The following WWOX variants were observed in gnomAD, a reference collection of about 807,000 sequenced individuals.
The protein encoded by WWOX is WW domain containing oxidoreductase, also known as WW domain-containing oxidoreductase.
Under a neutral mutation model 46.2 loss-of-function variants are expected in WWOX, and 69 were observed. That is an observed-to-expected ratio of 1.49 (90% CI 1.23 to 1.82). The LOEUF is 1.82. Among genes scored for constraint, WWOX ranks in the 40% most tolerant of loss-of-function variants. The pLI is 0.00. For missense variants in WWOX, 919 were observed against 542.6 expected, an observed-to-expected ratio of 1.69 and a Z score of -6.89; for synonymous variants, 359 against 202.6, an observed-to-expected ratio of 1.77 and a Z score of -6.56.
intron 8 of WWOX, among the ~76,000 whole-genome samples, chr16:78,922,560 G>A (rs1210595411): frequency 6.6e-6 from 1 of 152,048 alleles, no homozygotes; most frequent in Non-Finnish European, 1.5e-5. Flanking sequence ...TGTATTTTTA[G>A]TAGAGACAGG....
At chr16:78,138,392 G>T (rs984482924) in intron 4 of WWOX, among the ~76,000 whole-genome samples, 1 of 136,984 alleles carries the variant, frequency 7.3e-6, no homozygotes, top group Non-Finnish European at 1.7e-5. Context: ...CAGTAAAGAT[G>T]TGCTCGTGAT....
At chr16:78,386,812 C>T in intron 5 of WWOX, 48 bp from the exon 6 acceptor site, 2 of 1,530,338 alleles carry the variant, frequency 1.3e-6, no homozygotes, top group East Asian at 2.2e-5. Context: ...ATACCATGAA[C>T]TACACTTGCT....
intron 8 of WWOX, among the ~76,000 whole-genome samples, chr16:78,945,143 G>A (rs1313202509): frequency 1.3e-5 from 2 of 152,102 alleles, no homozygotes; most frequent in Non-Finnish European, 2.9e-5. Context: ...CCGCACCTCT[G>A]GAGTCCACCC....
chr16:78,633,858 A>C (rs761951256), intron 8 of WWOX, among the ~76,000 whole-genome samples: 1 of 150,422 alleles, frequency 6.6e-6, no homozygotes, highest in Non-Finnish European at 1.5e-5. Flanking sequence ...ACTCACATGT[A>C]GGTCACCTAC....
intron 8 of WWOX, among the ~76,000 whole-genome samples, chr16:79,063,278 G>T (rs919339025): frequency 6.6e-6 from 1 of 152,156 alleles, no homozygotes; most frequent in South Asian, 2.1e-4. Context: ...AGCCCAAGCC[G>T]CCTCTGCTCT....
At chr16:79,035,563 G>C (rs1249055990) in intron 8 of WWOX, among the ~76,000 whole-genome samples, 1 of 152,114 alleles carries the variant, frequency 6.6e-6, no homozygotes, top group East Asian at 1.9e-4. Flanking sequence ...TTTTGAGATG[G>C]AGTCTCACTC....
chr16:78,554,181 C>T (rs1446895371), intron 8 of WWOX, among the ~76,000 whole-genome samples: 1 of 152,094 alleles, frequency 6.6e-6, no homozygotes, highest in African/African-American at 2.4e-5. Flanking sequence ...AAGGCAGTAG[C>T]ACTAGAGCAG....
intron 8 of WWOX, among the ~76,000 whole-genome samples, chr16:79,067,489 T>C (rs1302980069): frequency 1.3e-5 from 2 of 152,218 alleles, no homozygotes; most frequent in East Asian, 3.9e-4. Flanking sequence ...CTGTGAGGGC[T>C]ACCCCTTTAC....
chr16:79,196,769 C>T (rs1474721701), intron 8 of WWOX, among the ~76,000 whole-genome samples: 1 of 151,888 alleles, frequency 6.6e-6, no homozygotes, highest in Non-Finnish European at 1.5e-5. Context: ...GTAGATTTCA[C>T]TTGTTGTAGA....
intron 5 of WWOX, among the ~76,000 whole-genome samples, chr16:78,372,292 G>T (rs11649021): frequency 2.0e-5 from 3 of 152,062 alleles, no homozygotes; most frequent in African/African-American, 4.8e-5. Context: ...ATTCTAGGGT[G>T]TCCTTCATGC....
chr16:79,004,166 G>A (rs2047147909), intron 8 of WWOX: 1 of 152,190 alleles, frequency 6.6e-6, no homozygotes, highest in Non-Finnish European at 1.5e-5. Flanking sequence ...CAAGAGAGAA[G>A]ACCACTGGTT....
intron 8 of WWOX, among the ~76,000 whole-genome samples, chr16:79,125,758 A>G (rs143953368): frequency 2.0e-5 from 3 of 152,220 alleles, no homozygotes; most frequent in African/African-American, 7.2e-5. Flanking sequence ...AGGATTTAAT[A>G]TGGGTTCTTT....
chr16:78,701,976 G>A (rs2142296680), intron 8 of WWOX, among the ~76,000 whole-genome samples: 1 of 135,056 alleles, frequency 7.4e-6, no homozygotes, highest in South Asian at 2.4e-4. Context: ...TTTGAGCCCA[G>A]GAGTTGGAGA....
At chr16:78,118,919 C>G (rs79915061) in intron 4 of WWOX, 1 of 152,240 alleles carries the variant, frequency 6.6e-6, no homozygotes, top group East Asian at 1.9e-4. Flanking sequence ...TCCTCAGAAA[C>G]TAACACTCTT....
intron 4 of WWOX, among the ~76,000 whole-genome samples, chr16:78,151,972 C>T (rs1366289229): frequency 6.6e-6 from 1 of 152,080 alleles, no homozygotes; most frequent in African/African-American, 2.4e-5. Context: ...GGGCAGATCA[C>T]GAGGTCAGGA....
intron 8 of WWOX, among the ~76,000 whole-genome samples, chr16:78,784,495 G>A (rs1266044890): frequency 2.6e-5 from 4 of 151,962 alleles, no homozygotes; most frequent in African/African-American, 7.3e-5. Context: ...ACAGTCTCTG[G>A]AGCTAGGCTT....
intron 8 of WWOX, among the ~76,000 whole-genome samples, chr16:78,925,293 G>T (rs1412207479): frequency 6.6e-6 from 1 of 152,186 alleles, no homozygotes; most frequent in Non-Finnish European, 1.5e-5. Context: ...AGCATACTGG[G>T]ATTGAGGAAA....
chr16:78,286,090 A>T (rs56075728), intron 5 of WWOX, among the ~76,000 whole-genome samples: 17,532 of 152,196 alleles, frequency 0.12, 1,313 homozygotes, highest in East Asian at 0.2. Flanking sequence ...TTATTCATTT[A>T]AAAAAATCTG....
intron 8 of WWOX, chr16:79,077,429 A>G (rs972896921): frequency 6.6e-6 from 1 of 152,142 alleles, no homozygotes; most frequent in Non-Finnish European, 1.5e-5. Flanking sequence ...TGTGAATGGT[A>G]TTTCTGAGTG....
Sources: allele counts gnomAD v4.1 joint callset (sites outside exome capture counted in the v4.1 genomes callset), GRCh38; gene constraint gnomAD v4.1.1; transcripts MANE v1.5; gene names NCBI Gene and HGNC (gene_info 2026-07-23, HGNC 2026-07-21).